TRIO: variants seen among roughly 807,000 people sequenced by gnomAD.
The protein encoded by TRIO is triple functional domain protein.
Under a neutral mutation model 351.9 loss-of-function variants are expected in TRIO, and 58 were observed. The ratio of observed to expected loss-of-function variants is 0.16; its 90% CI spans 0.13 to 0.21. TRIO has a LOEUF of 0.21. Ranked by LOEUF, TRIO falls within the 10% of genes least tolerant of loss-of-function variation. TRIO has a pLI of 1.00. For synonymous variants in TRIO, 1,758 were observed against 1,595.7 expected (o/e 1.10, Z -2.42); for missense variants, 3,201 against 4,027.8 (o/e 0.79, Z 5.56).
At chr5:14,344,592 C>T (rs1422070314) in intron 11 of TRIO, among the ~76,000 whole-genome samples, 2 of 152,078 alleles carry the variant, frequency 1.3e-5, no homozygotes, top group African/African-American at 2.4e-5. Flanking sequence ...TAGCTGCTGG[C>T]CAGTGTTCTT....
chr5:14,161,059 G>A (rs537004228), intron 1 of TRIO, among the ~76,000 whole-genome samples: 11 of 152,120 alleles, frequency 7.2e-5, no homozygotes, highest in East Asian at 1.9e-4. Context: ...ACAGGCATGC[G>A]CCACCACACC....
chr5:14,282,802 A>G (rs1007684596), intron 3 of TRIO, among the ~76,000 whole-genome samples: 3 of 152,164 alleles, frequency 2.0e-5, no homozygotes, highest in Non-Finnish European at 4.4e-5. Flanking sequence ...CAGTCTCTTC[A>G]TGTCAGTACC....
chr5:14,295,545 A>G (rs1163531377), intron 6 of TRIO, among the ~76,000 whole-genome samples: 2 of 152,238 alleles, frequency 1.3e-5, no homozygotes, highest in Non-Finnish European at 2.9e-5. Context: ...AGAGCCACCC[A>G]AGGAGACATC....
intron 13 of TRIO, among the ~76,000 whole-genome samples, chr5:14,359,980 G>T (rs11740922): frequency 0.016 from 2,398 of 152,018 alleles, 29 homozygotes; most frequent in Non-Finnish European, 0.027. Flanking sequence ...CTCTCCTCCT[G>T]TCCTCACCCT....
chr5:14,477,737 G>A (rs568916329), intron 41 of TRIO, among the ~76,000 whole-genome samples: 4 of 152,256 alleles, frequency 2.6e-5, no homozygotes, highest in Non-Finnish European at 4.4e-5. Context: ...GCAGCCATGC[G>A]CGGTCCTGTG....
intron 21 of TRIO, among the ~76,000 whole-genome samples, chr5:14,383,752 A>T (rs140131073): frequency 4.6e-5 from 7 of 152,208 alleles, no homozygotes; most frequent in African/African-American, 1.7e-4. Flanking sequence ...CCTTTCCCTT[A>T]ATCAGAAAAC....
intron 1 of TRIO, among the ~76,000 whole-genome samples, chr5:14,169,523 G>A (rs1004607723): frequency 3.3e-5 from 5 of 152,134 alleles, no homozygotes; most frequent in African/African-American, 4.8e-5. Context: ...ATTCTTAGAC[G>A]TTGGTTTCTC....
chr5:14,207,262 T>TACACACACACACACACACAC (rs56915481), intron 1 of TRIO, among the ~76,000 whole-genome samples: 5 of 46,086 alleles, frequency 1.1e-4, no homozygotes, highest in African/African-American at 3.5e-4. Context: ...AGATGGTCTC[T>TACACACACACACACACACAC]ACACACACAC....
At position 14,413,042 on chromosome 5, in the gene TRIO, T is replaced by C. The variant is rs566994305; in HGVS notation, c.4959+6370T>C. On this transcript the variant is annotated intron_variant, in intron 33 of 56. Transcript: ENST00000344204. Reference sequence around the variant, plus strand: ...TAAATATTCAGTTTCTGTGTCTCCGTTATACAGATGGCTTCCTCCTGCCTC... The same window carrying C: ...TAAATATTCAGTTTCTGTGTCTCCGCTATACAGATGGCTTCCTCCTGCCTC... Among the ~76,000 whole-genome samples, 68 of 152,340 alleles carry C rather than the reference T, an allele frequency of 4.5e-4. 1 individual carries two copies. Among genetic ancestry groups the C allele is most frequent in the African/African-American group, 1.5e-3 (64 of 41,566 alleles).
chr5:14,194,215 A>G (rs900224961), intron 1 of TRIO, among the ~76,000 whole-genome samples: 7 of 152,334 alleles, frequency 4.6e-5, no homozygotes, highest in African/African-American at 1.7e-4. Flanking sequence ...ATGTAGTTTT[A>G]TACATTGATC....
intron 19 of TRIO, among the ~76,000 whole-genome samples, chr5:14,375,155 C>CT (rs1358420838): frequency 6.6e-6 from 1 of 152,206 alleles, no homozygotes; most frequent in African/African-American, 2.4e-5. Context: ...CTATAATTCT[C>CT]TAAGTTCTTT....
chr5:14,184,225 G>C (rs1490535764), intron 1 of TRIO, among the ~76,000 whole-genome samples: 2 of 152,196 alleles, frequency 1.3e-5, no homozygotes, highest in African/African-American at 4.8e-5. Context: ...TTGCTCCTCA[G>C]CTTAGCAACA....
At chr5:14,307,918 A>G (rs1470280976) in intron 8 of TRIO, among the ~76,000 whole-genome samples, 1 of 152,186 alleles carries the variant, frequency 6.6e-6, no homozygotes, top group Non-Finnish European at 1.5e-5. Context: ...ATCTTACTAT[A>G]TCAGTCGGTT....
chr5:14,494,877 C>T (rs949435535), intron 49 of TRIO, among the ~76,000 whole-genome samples: 2 of 152,188 alleles, frequency 1.3e-5, no homozygotes, highest in African/African-American at 4.8e-5. Context: ...CCAGCCTGGG[C>T]AGCAGAGTGA....
intron 11 of TRIO, among the ~76,000 whole-genome samples, chr5:14,356,931 T>C (rs1264703853): frequency 2.0e-5 from 3 of 151,846 alleles, no homozygotes; most frequent in African/African-American, 4.8e-5. Flanking sequence ...TGCAAGGTAA[T>C]CTCCAGTGGC....
chr5:14,190,039 T>C (rs1232098901), intron 1 of TRIO, among the ~76,000 whole-genome samples: 1 of 145,010 alleles, frequency 6.9e-6, no homozygotes, highest in East Asian at 2.2e-4. Flanking sequence ...AGATCATTCA[T>C]ATCTGGCACA....
intron 53 of TRIO, among the ~76,000 whole-genome samples, chr5:14,501,186 G>T (rs1387157478): frequency 2.6e-5 from 4 of 151,954 alleles, no homozygotes; most frequent in African/African-American, 9.7e-5. Flanking sequence ...CTTCAAATCT[G>T]CCTAGTGAAA....
chr5:14,387,791 T>G lies in TRIO; in HGVS notation c.3825T>G (p.Leu1275=), dbSNP rs2152361847. ...PASIPGSEVK[L]RDAAHELNEE... The stretch of plus-strand genomic sequence containing the variant: ...GTATCCCTGGCTCAGAGGTGAAACT[T>G]CGAGATGCTGCTCATGAACTTAATG... The change falls in exon 23 of 57, where the codon CTT becomes CTG. Residue 1275 remains leucine (L), a synonymous_variant. Coordinates refer to ENST00000344204, the MANE Select transcript of TRIO (RefSeq NM_007118.4). 2 of 1,614,184 alleles carry G rather than the reference T, an allele frequency of 1.2e-6. No individual in the cohort carries two copies. Among genetic ancestry groups the G allele is most frequent in the Non-Finnish European group, 1.7e-6 (2 of 1,180,040 alleles).
At position 14,498,072 on chromosome 5, in the gene TRIO, A is replaced by T; in HGVS notation, c.8048-17A>T. Reference sequence around the variant, plus strand: ...AGCCAGGGCTGATGGGCCTTTACCGACTCCTTTCCCATGCAGTTCCCCCAG... The same window carrying T: ...AGCCAGGGCTGATGGGCCTTTACCGTCTCCTTTCCCATGCAGTTCCCCCAG... On this transcript the variant is annotated splice_polypyrimidine_tract_variant and intron_variant, in intron 51 of 56. Coordinates refer to ENST00000344204, the MANE Select transcript of TRIO (RefSeq NM_007118.4). The T allele has an allele frequency of 6.2e-7, 1 of 1,613,396 alleles. No individual in the cohort carries two copies. The highest frequency in any genetic ancestry group is 2.2e-5 in the East Asian group (1 of 44,832).
Sources: gnomAD v4.1 joint callset for allele counts (sites outside exome capture counted in the v4.1 genomes callset) on GRCh38, gnomAD v4.1.1 for gene constraint, MANE v1.5 for transcripts, NCBI Gene and HGNC (gene_info 2026-07-23, HGNC 2026-07-21) for gene names.